SENP5: variants seen among roughly 807,000 people sequenced by gnomAD.
SENP5 encodes SUMO specific peptidase 5.
A neutral mutation model predicts 74.2 loss-of-function variants in SENP5; 21 were observed. That is an observed-to-expected ratio of 0.28 (90% CI 0.20 to 0.41). The LOEUF is 0.41. Among genes scored for constraint, SENP5 ranks in the 10% least tolerant of loss-of-function variants. The probability of loss-of-function intolerance (pLI) is 1.00; values close to 1 mark genes in which losing one functional copy is unlikely to be tolerated. For missense variants in SENP5, 717 were observed against 889.1 expected (o/e 0.81, Z 2.46); for synonymous variants, 311 against 312.7 (o/e 0.99, Z 0.06).
rs572326469 is a variant in SENP5, at chr3:196,905,701, A to G, written c.1884+2091A>G. ...GGCACATCACCCTCCAGGAACCTCC[A>G]CATATTTAGTATCCAGAAGCTCTCC... On this transcript the variant is annotated intron_variant, in intron 6 of 9. Transcript: ENST00000323460. Among the ~76,000 whole-genome samples, 4 of 152,254 alleles carry G rather than the reference A, an allele frequency of 2.6e-5. No individual in the cohort carries two copies. In the South Asian group the frequency reaches 8.3e-4, roughly 32 times the overall value.
intron 2 of SENP5, among the ~76,000 whole-genome samples, chr3:196,889,489 C>G (rs1208715156): frequency 3.3e-5 from 5 of 152,174 alleles, no homozygotes; most frequent in African/African-American, 1.2e-4. Flanking sequence ...AATGGTATCT[C>G]AGCAAGTGCT....
At chr3:196,896,154 G>A (rs982499946) in intron 2 of SENP5, among the ~76,000 whole-genome samples, 1 of 152,046 alleles carries the variant, frequency 6.6e-6, no homozygotes, top group African/African-American at 2.4e-5. Flanking sequence ...TAATTGATTA[G>A]TTTAATGAAA....
At chr3:196,914,794 A>C (rs1346062435) in intron 6 of SENP5, among the ~76,000 whole-genome samples, 1 of 151,682 alleles carries the variant, frequency 6.6e-6, no homozygotes, top group Non-Finnish European at 1.5e-5. Context: ...CAGGTGAGTG[A>C]TCCTAGTACC....
At chr3:196,900,221 G>C in intron 4 of SENP5, 144 bp from the exon 5 acceptor site, 1 of 1,031,848 alleles carries the variant, frequency 9.7e-7, no homozygotes, top group Non-Finnish European at 1.4e-6. Context: ...ATTACTATTG[G>C]CAGTAATAAT....
In SENP5 at chr3:196,873,333, A is replaced by T. The variant is rs937932257; in HGVS notation, c.-32+5260A>T. 4.2e-4 allele frequency among the ~76,000 whole-genome samples: 63 copies of T among 151,766 alleles called. 1 individual carries two copies. Among genetic ancestry groups the T allele is most frequent in the Admixed American group, 2.0e-4 (3 of 15,232 alleles). ...GGTGATTCGCCTGCCTCGGCCTCCC[A>T]AAGTGCTGGGATTACAGGCGTGAGC... On this transcript the variant is annotated intron_variant, in intron 1 of 9. Transcript: ENST00000323460.
At chr3:196,917,999 G>A (rs890706031) in intron 6 of SENP5, among the ~76,000 whole-genome samples, 4 of 152,216 alleles carry the variant, frequency 2.6e-5, no homozygotes, top group Non-Finnish European at 2.9e-5. Flanking sequence ...TTTTTTAAGC[G>A]ATAATATAAA....
chr3:196,897,074 A>G (rs1203305103), intron 2 of SENP5, among the ~76,000 whole-genome samples: 1 of 152,232 alleles, frequency 6.6e-6, no homozygotes, highest in Non-Finnish European at 1.5e-5. Context: ...CAAGAGCACC[A>G]TGATACTAGT....
At position 196,896,486 on chromosome 3, in the gene SENP5, G is replaced by C. The variant is rs56318472; in HGVS notation, c.1514-3180G>C. Among the ~76,000 whole-genome samples the C allele has an allele frequency of 7.1e-3, 1,087 of 152,070 alleles. 10 individuals carry two copies. The highest frequency in any genetic ancestry group is 0.025 in the African/African-American group (1,030 of 41,470). On this transcript the variant is annotated intron_variant, in intron 2 of 9. Transcript: ENST00000323460. ...GATTGATTGATTGAGATGAGGTCTC[G>C]CTCTGTTGCCCAGACTGGAGTGCAG...
At position 196,867,969 on chromosome 3, in the gene SENP5, C is replaced by T. The variant is rs1175184807; in HGVS notation, c.-136C>T. 3 of 152,306 alleles carry T rather than the reference C, an allele frequency of 2.0e-5. No individual in the cohort carries two copies. The highest frequency in any genetic ancestry group is 4.8e-5 in the African/African-American group (2 of 41,576). The allele number at this position is 152,306 out of a possible 1,614,324, so 9.4% of individuals were successfully genotyped here. On this transcript the variant is annotated 5_prime_UTR_variant, in exon 1 of 10. Coordinates refer to ENST00000323460, the MANE Select transcript of SENP5 (RefSeq NM_152699.5). The stretch of plus-strand genomic sequence containing the variant: ...GCGGCGAACAGGCCGGACGCCTCGT[C>T]GCTGGCGGGGCTTCCCTTGGAGCTG...
chr3:196,868,861 T>A (rs1313280621), intron 1 of SENP5, among the ~76,000 whole-genome samples: 2 of 117,454 alleles, frequency 1.7e-5, no homozygotes, highest in Non-Finnish European at 3.6e-5. Context: ...CCAGGACACT[T>A]CATGATAGGT....
chr3:196,892,253 C>T (rs1305480010), intron 2 of SENP5, among the ~76,000 whole-genome samples: 7 of 152,158 alleles, frequency 4.6e-5, no homozygotes, highest in Non-Finnish European at 7.3e-5. Context: ...AAGCGATTCT[C>T]GTGCCTCAGC....
intron 1 of SENP5, among the ~76,000 whole-genome samples, chr3:196,871,867 A>G (rs895601530): frequency 6.6e-6 from 1 of 152,130 alleles, no homozygotes; most frequent in East Asian, 1.9e-4. Flanking sequence ...AAAAAAAAAA[A>G]AAAAATACAG....
chr3:196,900,694 T>C (rs963328302), intron 5 of SENP5, among the ~76,000 whole-genome samples: 1 of 152,130 alleles, frequency 6.6e-6, no homozygotes, highest in Non-Finnish European at 1.5e-5. Context: ...CAAGCGATTC[T>C]CCTGTCTCAG....
intron 8 of SENP5, among the ~76,000 whole-genome samples, chr3:196,928,774 A>G (rs1454921414): frequency 6.6e-6 from 1 of 152,254 alleles, no homozygotes; most frequent in East Asian, 1.9e-4. Context: ...CTAGTATACC[A>G]GTTCAAACCA....
chr3:196,914,584 A>ATATATAT (rs1242643022), intron 6 of SENP5: 18 of 59,398 alleles, frequency 3.0e-4, no homozygotes, highest in African/African-American at 1.3e-3. Flanking sequence ...AAAAAAAAAA[A>ATATATAT]AAATATATAT....
intron 6 of SENP5, among the ~76,000 whole-genome samples, chr3:196,909,669 T>G (rs1167225658): frequency 6.6e-6 from 1 of 152,210 alleles, no homozygotes; most frequent in Non-Finnish European, 1.5e-5. Flanking sequence ...ACCACATGAT[T>G]ATTTCAGTAG....
chr3:196,887,574 G>A (rs1217462661), intron 2 of SENP5, among the ~76,000 whole-genome samples: 3 of 151,368 alleles, frequency 2.0e-5, no homozygotes, highest in African/African-American at 7.3e-5. Context: ...TCCTAAGAAT[G>A]TAGCAATGAA....
At chr3:196,918,865 T>C (rs1430609588) in intron 6 of SENP5, among the ~76,000 whole-genome samples, 1 of 151,690 alleles carries the variant, frequency 6.6e-6, no homozygotes, top group African/African-American at 2.4e-5. Context: ...GAGAGCAGAG[T>C]AGCTATACTT....
At chr3:196,897,641 T>C (rs1714497789) in intron 2 of SENP5, among the ~76,000 whole-genome samples, 1 of 152,220 alleles carries the variant, frequency 6.6e-6, no homozygotes, top group East Asian at 1.9e-4. Flanking sequence ...ATCTTTTCTA[T>C]CCTGTTTATA....
Sources: gnomAD v4.1 joint callset for allele counts (sites outside exome capture counted in the v4.1 genomes callset) on GRCh38, gnomAD v4.1.1 for gene constraint, MANE v1.5 for transcripts, NCBI Gene and HGNC (gene_info 2026-07-23, HGNC 2026-07-21) for gene names.